The following GPC5 variants were observed in gnomAD, a reference collection of about 807,000 sequenced individuals.
GPC5 encodes glypican-5.
Under a neutral mutation model 53.9 loss-of-function variants are expected in GPC5, and 47 were observed. The observed-to-expected ratio is 0.87, with a 90% CI of 0.69 to 1.11. GPC5 has a LOEUF of 1.11. Ranked by LOEUF, GPC5 falls within the 50% of genes most tolerant of loss-of-function variation. The probability of loss-of-function intolerance (pLI) is 0.00; values close to 1 mark genes in which losing one functional copy is unlikely to be tolerated. For synonymous variants in GPC5, 286 were observed against 263.3 expected, an observed-to-expected ratio of 1.09 and a Z score of -0.84; for missense variants, 748 against 713.1, an observed-to-expected ratio of 1.05 and a Z score of -0.56.
At chr13:91,544,713 T>C (rs2030175200) in intron 2 of GPC5, among the ~76,000 whole-genome samples, 1 of 152,248 alleles carries the variant, frequency 6.6e-6, no homozygotes, top group Admixed American at 6.5e-5. Flanking sequence ...AACACTGTTC[T>C]AGTTATCTGT....
chr13:91,619,941 C>G (rs923267630), intron 2 of GPC5, among the ~76,000 whole-genome samples: 2 of 152,132 alleles, frequency 1.3e-5, no homozygotes, highest in Admixed American at 1.3e-4. Context: ...GCCATCAAAT[C>G]TACCACCAGC....
At chr13:91,805,894 A>C (rs1594580960) in intron 5 of GPC5, among the ~76,000 whole-genome samples, 1 of 152,184 alleles carries the variant, frequency 6.6e-6, no homozygotes, top group Non-Finnish European at 1.5e-5. Context: ...AGCTCAAGCA[A>C]AACATTCATG....
chr13:91,583,057 G>A (rs560675001), intron 2 of GPC5, among the ~76,000 whole-genome samples: 1 of 152,114 alleles, frequency 6.6e-6, no homozygotes, highest in East Asian at 1.9e-4. Flanking sequence ...TAGCATCTAG[G>A]AATAGAAGTC....
At chr13:92,540,931 G>A (rs1881912038) in intron 7 of GPC5, among the ~76,000 whole-genome samples, 1 of 151,788 alleles carries the variant, frequency 6.6e-6, no homozygotes, top group Non-Finnish European at 1.5e-5. Flanking sequence ...AGGTGGACTA[G>A]CAGGGAATAC....
At chr13:91,825,156 G>C (rs193066783) in intron 5 of GPC5, among the ~76,000 whole-genome samples, 1 of 152,074 alleles carries the variant, frequency 6.6e-6, no homozygotes, top group African/African-American at 2.4e-5. Flanking sequence ...GAGAGCTAGA[G>C]AGAGAAAGAG....
chr13:91,775,670 A>C (rs573534529), intron 5 of GPC5, among the ~76,000 whole-genome samples: 2 of 152,336 alleles, frequency 1.3e-5, no homozygotes, highest in Non-Finnish European at 2.9e-5. Context: ...TTACTTCTTT[A>C]TAAGACTTGA....
In GPC5 at chr13:92,129,222, C is replaced by A. The variant is rs112375349; in HGVS notation, c.1402-15608C>A. ...GAGACTAATGACTAATGAAGTAGTT[C>A]CAGCAAGCTCTCAATCAAAACCTCA... On this transcript the variant is annotated intron_variant, in intron 6 of 7. Transcript: ENST00000377067. Among the ~76,000 whole-genome samples the A allele has an allele frequency of 9.8e-3, 1,491 of 152,218 alleles. 26 individuals carry two copies. The highest frequency in any genetic ancestry group is 0.033 in the African/African-American group (1,363 of 41,524).
intron 7 of GPC5, among the ~76,000 whole-genome samples, chr13:92,516,745 C>T (rs1258258998): frequency 6.6e-6 from 1 of 152,108 alleles, no homozygotes; most frequent in Non-Finnish European, 1.5e-5. Context: ...CTGCAGCTCC[C>T]AGCATGAGCG....
intron 6 of GPC5, among the ~76,000 whole-genome samples, chr13:91,925,200 G>A (rs2039755594): frequency 6.6e-6 from 1 of 152,034 alleles, no homozygotes. Context: ...CCATTGAAAT[G>A]TCTTTAACCA....
chr13:91,913,803 A>G (rs1566338686), intron 6 of GPC5, among the ~76,000 whole-genome samples: 1 of 152,224 alleles, frequency 6.6e-6, no homozygotes, highest in African/African-American at 2.4e-5. Flanking sequence ...TTTCTGAAAC[A>G]GGCAATATTT....
intron 5 of GPC5, among the ~76,000 whole-genome samples, chr13:91,863,689 C>T (rs751700985): frequency 1.3e-5 from 2 of 152,146 alleles, no homozygotes; most frequent in Non-Finnish European, 2.9e-5. Flanking sequence ...TTCTCATCTA[C>T]AGCTATAGTC....
intron 4 of GPC5, among the ~76,000 whole-genome samples, chr13:91,736,878 G>A (rs2036826723): frequency 1.3e-5 from 2 of 151,056 alleles, no homozygotes; most frequent in Admixed American, 1.3e-4. Flanking sequence ...TTGTAAGGTG[G>A]AAATGAGAAA....
At chr13:91,783,717 T>C (rs1373969037) in intron 5 of GPC5, among the ~76,000 whole-genome samples, 1 of 152,110 alleles carries the variant, frequency 6.6e-6, no homozygotes, top group East Asian at 1.9e-4. Context: ...GCTGGGATTA[T>C]AGTTATGAGC....
intron 2 of GPC5, among the ~76,000 whole-genome samples, chr13:91,603,384 C>T (rs1266721080): frequency 6.6e-6 from 1 of 152,220 alleles, no homozygotes; most frequent in African/African-American, 2.4e-5. Context: ...TGAGTAATGG[C>T]TTAGAAGTGC....
At chr13:92,566,378 T>G (rs1882864566) in intron 7 of GPC5, among the ~76,000 whole-genome samples, 1 of 152,122 alleles carries the variant, frequency 6.6e-6, no homozygotes, top group Non-Finnish European at 1.5e-5. Flanking sequence ...CAAATTACAT[T>G]TTAATATCTT....
chr13:91,893,224 A>T lies in GPC5; in HGVS notation c.1281-14713A>T, dbSNP rs2039406340. 9.2e-5 allele frequency among the ~76,000 whole-genome samples: 14 copies of T among 152,200 alleles called. No individual in the cohort carries two copies. In the South Asian group the frequency reaches 2.9e-3, roughly 31 times the overall value. The stretch of plus-strand genomic sequence containing the variant: ...CCTAACACCTTGAAACATCTAGCAG[A>T]GACAAATATAATCCTGTCTGACCAG... On this transcript the variant is annotated intron_variant, in intron 5 of 7. Coordinates refer to ENST00000377067, the MANE Select transcript of GPC5 (RefSeq NM_004466.6).
chr13:91,620,459 T>C (rs948409042), intron 2 of GPC5, among the ~76,000 whole-genome samples: 2 of 152,138 alleles, frequency 1.3e-5, no homozygotes, highest in African/African-American at 2.4e-5. Flanking sequence ...AACTTCTAAT[T>C]GTTTCTTCTT....
Position 92,277,619 on chromosome 13 carries a change from C to T in GPC5, c.1561+132630C>T, listed in dbSNP as rs532031767. 2.2e-3 allele frequency among the ~76,000 whole-genome samples: 329 copies of T among 152,044 alleles called. 1 individual carries two copies. Among genetic ancestry groups the T allele is most frequent in the Admixed American group, 4.5e-3 (69 of 15,278 alleles). Reference sequence around the variant, plus strand: ...AATAAGAATATATTAAAATTTAATACTAAGCATTTTTTTACTTTGTTTTTT... The same window carrying T: ...AATAAGAATATATTAAAATTTAATATTAAGCATTTTTTTACTTTGTTTTTT... On this transcript the variant is annotated intron_variant, in intron 7 of 7. Transcript: ENST00000377067.
intron 7 of GPC5, among the ~76,000 whole-genome samples, chr13:92,309,424 C>G (rs2043131771): frequency 6.6e-6 from 1 of 152,042 alleles, no homozygotes. Flanking sequence ...TATTATAAGA[C>G]TAGCGAAATT....
Sources: allele counts gnomAD v4.1 joint callset (sites outside exome capture counted in the v4.1 genomes callset), GRCh38; gene constraint gnomAD v4.1.1; transcripts MANE v1.5; gene names NCBI Gene and HGNC (gene_info 2026-07-23, HGNC 2026-07-21).